Variants in SPAG9 observed in about 807,000 individuals in gnomAD.
The protein encoded by SPAG9 is C-Jun-amino-terminal kinase-interacting protein 4.
In SPAG9, 35 loss-of-function variants were observed where a neutral mutation model predicts 166.5. The observed-to-expected ratio is 0.21, with a 90% CI of 0.16 to 0.28. The LOEUF (loss-of-function observed/expected upper bound fraction) is 0.28, where lower values mean the gene tolerates loss of function less well. Among genes scored for constraint, SPAG9 ranks in the 10% least tolerant of loss-of-function variants. The probability of loss-of-function intolerance (pLI) is 1.00; values close to 1 mark genes in which losing one functional copy is unlikely to be tolerated. For missense variants in SPAG9, 1,235 were observed against 1,603.3 expected (o/e 0.77, Z 3.92); for synonymous variants, 534 against 565.5 (o/e 0.94, Z 0.79).
At chr17:51,005,724 A>G (rs542344710) in intron 11 of SPAG9, among the ~76,000 whole-genome samples, 21 of 152,266 alleles carry the variant, frequency 1.4e-4, no homozygotes, top group African/African-American at 5.1e-4. Context: ...GGTGGCAGGC[A>G]CCTACAATCC....
In SPAG9 at chr17:51,002,909, C is replaced by T. The variant is rs77048049; in HGVS notation, c.1477-1064G>A. Among the ~76,000 whole-genome samples the T allele has an allele frequency of 9.0e-3, 1,371 of 151,526 alleles. 30 individuals carry two copies. Among genetic ancestry groups the T allele is most frequent in the Admixed American group, 0.064 (964 of 15,180 alleles). On this transcript the variant is annotated intron_variant, in intron 12 of 29. Coordinates refer to ENST00000262013, the MANE Select transcript of SPAG9 (RefSeq NM_001130528.3). ...GCCTTGGCAATGTGGTGTGAGATCC[C>T]ATCTCTACAGAAAATAAAAAATTAG...
At chr17:50,995,643 T>C in intron 16 of SPAG9, 110 bp from the exon 17 acceptor site, 1 of 717,452 alleles carries the variant, frequency 1.4e-6, no homozygotes, top group South Asian at 1.7e-5. Context: ...TATTTACTCC[T>C]TGAAATCAAG....
chr17:51,102,742 A>T (rs2048842455), intron 1 of SPAG9, among the ~76,000 whole-genome samples: 1 of 151,952 alleles, frequency 6.6e-6, no homozygotes, highest in South Asian at 2.1e-4. Context: ...GACCTCAAAT[A>T]ATCTGCCCAA....
chr17:51,119,097 T>C (rs1049339472), intron 1 of SPAG9, among the ~76,000 whole-genome samples: 13 of 149,580 alleles, frequency 8.7e-5, no homozygotes, highest in African/African-American at 3.2e-4. Flanking sequence ...TTGAGAAAAT[T>C]GGATCCCACA....
At chr17:50,970,571 C>A in intron 29 of SPAG9, 136 bp downstream of exon 29, 10 of 618,728 alleles carry the variant, frequency 1.6e-5, no homozygotes, top group South Asian at 9.4e-5. Context: ...CAAAAACCCA[C>A]AAAATCCTTT....
chr17:51,091,215 G>C (rs781564677), intron 1 of SPAG9, among the ~76,000 whole-genome samples: 7 of 150,786 alleles, frequency 4.6e-5, no homozygotes, highest in Non-Finnish European at 8.8e-5. Flanking sequence ...AGAGGTTGCA[G>C]TGAGCTGAGA....
chr17:51,047,644 T>G (rs1370294034), intron 3 of SPAG9, among the ~76,000 whole-genome samples, 175 bp from the exon 4 acceptor site: 3 of 151,004 alleles, frequency 2.0e-5, no homozygotes, highest in Admixed American at 2.0e-4. Flanking sequence ...AATATGCAAA[T>G]GCTTACATTT....
intron 1 of SPAG9, among the ~76,000 whole-genome samples, chr17:51,096,672 G>A (rs2048657364): frequency 6.6e-6 from 1 of 151,900 alleles, no homozygotes; most frequent in African/African-American, 2.4e-5. Context: ...AATGGATAGT[G>A]GTATATTCAT....
intron 2 of SPAG9, among the ~76,000 whole-genome samples, chr17:51,079,231 CTT>C (rs771648631): frequency 7.1e-5 from 10 of 140,606 alleles, no homozygotes; most frequent in African/African-American, 1.8e-4. Context: ...GAGCCAATTC[CTT>C]TTTTTTTTTT....
At position 51,120,302 on chromosome 17, in the gene SPAG9, CGG is replaced by C; in HGVS notation, c.303+50_303+51del. 1.8e-5 allele frequency: 26 copies of C among 1,438,924 alleles called. No homozygotes were observed. The highest frequency in any genetic ancestry group is 2.9e-5 in the African/African-American group (2 of 68,698). 89.1% of individuals were successfully genotyped at this position (1,438,924 alleles called of 1,614,324 possible). On this transcript the variant is annotated intron_variant, in intron 1 of 29. Transcript: ENST00000262013. This position sits in a 1 kb window ranked among gnomAD's most constrained non-coding sequence, Gnocchi z 4.7. ...CCCCGACCGGGCCGCGACCCCGCCCCGGCCGCCCCCGGAGACGGATCCCGCGG... is the reference window on the plus strand; with the variant it reads ...CCCCGACCGGGCCGCGACCCCGCCCCCCGCCCCCGGAGACGGATCCCGCGG...
rs1457716528 is a variant in SPAG9 at position 51,120,618 on chromosome 17, G to A, written c.39C>T (p.Pro13=). 1.2e-6 allele frequency: 2 copies of A among 1,611,682 alleles called. No homozygotes were observed. The highest frequency in any genetic ancestry group is 1.1e-5 in the South Asian group (1 of 90,800). The change falls in exon 1 of 30, where the codon CCC becomes CCT. Residue 13 remains proline (P), a synonymous_variant. Transcript: ENST00000262013. The surrounding 1 kb of genome is among the most constrained non-coding windows in gnomAD (Gnocchi z 4.7). The part of the protein sequence containing the change: ...LEDGVVYQEE[P]GGSGAVMSER... ...CCGACATCACGGCCCCGGAGCCGCC[G>A]GGCTCCTCCTGATACACCACACCGT...
intron 24 of SPAG9, among the ~76,000 whole-genome samples, chr17:50,983,781 C>A (rs1974825506): frequency 6.6e-6 from 1 of 152,014 alleles, no homozygotes; most frequent in Non-Finnish European, 1.5e-5. Flanking sequence ...GTTTCCTCAT[C>A]TATAAAATGA....
chr17:51,091,202 G>A (rs544222822), intron 1 of SPAG9, among the ~76,000 whole-genome samples: 9 of 151,662 alleles, frequency 5.9e-5, no homozygotes, highest in Admixed American at 1.3e-4. Context: ...AAGCCCAGGA[G>A]GCAGAGGTTG....
At chr17:51,053,876 T>C (rs1165277651) in intron 3 of SPAG9, among the ~76,000 whole-genome samples, 1 of 101,518 alleles carries the variant, frequency 9.9e-6, no homozygotes, top group Non-Finnish European at 1.8e-5. Context: ...TATATATATA[T>C]ATATATATAT....
At chr17:51,109,509 AC>A (rs2049046276) in intron 1 of SPAG9, among the ~76,000 whole-genome samples, 1 of 152,156 alleles carries the variant, frequency 6.6e-6, no homozygotes, top group Non-Finnish European at 1.5e-5. Context: ...TGCTGGGATT[AC>A]AGGCGTGAGC....
At chr17:51,029,518 C>T (rs1413139247) in intron 6 of SPAG9, among the ~76,000 whole-genome samples, 1 of 152,082 alleles carries the variant, frequency 6.6e-6, no homozygotes, top group Non-Finnish European at 1.5e-5. Flanking sequence ...ACCCAAATGT[C>T]CATTAACAAA....
intron 21 of SPAG9, among the ~76,000 whole-genome samples, chr17:50,988,783 G>A (rs1280643667): frequency 1.3e-5 from 2 of 152,126 alleles, no homozygotes; most frequent in African/African-American, 4.8e-5. Flanking sequence ...TTGAACTCCT[G>A]GACTCAAGCA....
At chr17:50,982,475 C>T (rs201301534) in intron 25 of SPAG9, 49 bp downstream of exon 25, 128 of 1,531,604 alleles carry the variant, frequency 8.4e-5, no homozygotes, top group East Asian at 1.4e-4. Flanking sequence ...TAATAGTCTT[C>T]GGATAATACA....
intron 3 of SPAG9, among the ~76,000 whole-genome samples, chr17:51,053,140 T>G (rs1183704303): frequency 6.6e-6 from 1 of 151,480 alleles, no homozygotes; most frequent in Non-Finnish European, 1.5e-5. Context: ...AGAGCTTCAT[T>G]TTAAAAACAA....
Sources: gnomAD v4.1 joint callset for allele counts (sites outside exome capture counted in the v4.1 genomes callset) on GRCh38, gnomAD v4.1.1 for gene constraint, Gnocchi (gnomAD v3.1) non-coding constraint, MANE v1.5 for transcripts, NCBI Gene and HGNC (gene_info 2026-07-23, HGNC 2026-07-21) for gene names.